The following PLEKHS1 variants were observed in gnomAD, a reference collection of about 807,000 sequenced individuals.
The protein encoded by PLEKHS1 is pleckstrin homology domain containing S1, also known as pleckstrin homology domain-containing family S member 1.
In PLEKHS1, 55 loss-of-function variants were observed where a neutral mutation model predicts 51.0. The ratio of observed to expected loss-of-function variants is 1.08; its 90% CI spans 0.87 to 1.35. The LOEUF (loss-of-function observed/expected upper bound fraction) is 1.35. PLEKHS1 is among the 40% of genes most tolerant of loss of function. The pLI is 0.00. For missense variants in PLEKHS1, 398 were observed against 423.0 expected, an observed-to-expected ratio of 0.94 and a Z score of 0.52; for synonymous variants, 153 against 144.8, an observed-to-expected ratio of 1.06 and a Z score of -0.41.
At chr10:113,772,799 GA>G (rs1844472864) in intron 8 of PLEKHS1, among the ~76,000 whole-genome samples, 1 of 152,208 alleles carries the variant, frequency 6.6e-6, no homozygotes, top group African/African-American at 2.4e-5. Flanking sequence ...TAGAGTGCGT[GA>G]AAGGCATAGT....
At chr10:113,769,478 T>C (rs1305335176) in intron 6 of PLEKHS1, among the ~76,000 whole-genome samples, 10 of 152,130 alleles carry the variant, frequency 6.6e-5, no homozygotes, top group African/African-American at 2.4e-4. Flanking sequence ...TGTCTTCAAG[T>C]AGACTGAAGT....
At chr10:113,775,653 T>G in intron 10 of PLEKHS1, 112 bp from the exon 11 acceptor site, 1 of 660,246 alleles carries the variant, frequency 1.5e-6, no homozygotes, top group Non-Finnish European at 2.6e-6. Flanking sequence ...TTGAACAACC[T>G]TTACCTGGAC....
chr10:113,762,596 T>G (rs375496774), intron 2 of PLEKHS1, among the ~76,000 whole-genome samples: 1 of 152,086 alleles, frequency 6.6e-6, no homozygotes, highest in Admixed American at 6.5e-5. Context: ...TTTTTTAAAT[T>G]TAGAGATTAT....
At chr10:113,774,079 T>G in intron 8 of PLEKHS1, 148 bp from the exon 9 acceptor site, 1 of 555,274 alleles carries the variant, frequency 1.8e-6, no homozygotes. Context: ...GGAGGTAAGG[T>G]TGGTTGATAT....
intron 8 of PLEKHS1, among the ~76,000 whole-genome samples, chr10:113,773,119 G>T (rs764673053): frequency 6.6e-6 from 1 of 152,106 alleles, no homozygotes; most frequent in Non-Finnish European, 1.5e-5. Flanking sequence ...AATAAGTTCC[G>T]GAAACACCCA....
chr10:113,775,704 A>G lies in PLEKHS1; in HGVS notation c.990-61A>G, dbSNP rs1243707778. On this transcript the variant is annotated intron_variant, in intron 10 of 11. Transcript: ENST00000361048. ...ATAGAGGCCAAAAGTCTACTCAGAAAGTACAGTTGAGAGCCAAGGTCAGTT... is the reference window on the plus strand; with the variant it reads ...ATAGAGGCCAAAAGTCTACTCAGAAGGTACAGTTGAGAGCCAAGGTCAGTT... 2.7e-6 allele frequency: 3 copies of G among 1,115,420 alleles called. No homozygotes were observed. The East Asian group carries it at 7.4e-5, about 27-fold the overall frequency. 69.1% of individuals were successfully genotyped at this position (1,115,420 alleles called of 1,614,324 possible).
chr10:113,756,455 T>C (rs1164943720), intron 2 of PLEKHS1, among the ~76,000 whole-genome samples: 2 of 152,126 alleles, frequency 1.3e-5, no homozygotes, highest in African/African-American at 4.8e-5. Context: ...AGCGAGACTC[T>C]GTCTCAAAAA....
At position 113,774,307 on chromosome 10, in the gene PLEKHS1, G is replaced by A. The variant is rs752204711; in HGVS notation, c.753G>A (p.Glu251=). Residue 251 remains glutamate, a synonymous_variant, in exon 9 of 12, where the codon GAG becomes GAA. Coordinates refer to ENST00000361048, the Ensembl canonical transcript of PLEKHS1. Reference sequence around the variant, plus strand: ...CAGACCAGGTCTCTGGAAGAATTGAGTGTCATTATGAGCCAATGGAATCCT... The same window carrying A: ...CAGACCAGGTCTCTGGAAGAATTGAATGTCATTATGAGCCAATGGAATCCT... The A allele has an allele frequency of 4.4e-6, 7 of 1,585,008 alleles. No individual in the cohort carries two copies. In the Admixed American group the frequency reaches 1.4e-4, roughly 32 times the overall value.
At position 113,775,872 on chromosome 10, in the gene PLEKHS1, T is replaced by C; in HGVS notation, c.1091+6T>C. 1 of 1,587,886 alleles carries C rather than the reference T, an allele frequency of 6.3e-7. No homozygotes were observed. ...GAAGCCACAGGACGGATATGGTAGG[T>C]TGGAGATTTGACTGTTGTGGATTAT... On this transcript the variant is annotated splice_donor_region_variant and intron_variant, in intron 11 of 11. Transcript: ENST00000361048.
exon 12 of PLEKHS1, chr10:113,780,875 C>G (rs1030967659): frequency 1.4e-5 from 16 of 1,168,976 alleles, no homozygotes; most frequent in Non-Finnish European, 1.9e-5. Context: ...ACAGTCGGCA[C>G]CCCCCTCTGA....
intron 11 of PLEKHS1, chr10:113,777,720 A>G (rs548177987): frequency 6.7e-5 from 101 of 1,496,924 alleles, no homozygotes; most frequent in Admixed American, 3.9e-4. Flanking sequence ...TTTTACTTCT[A>G]CTACAACTGA....
chr10:113,755,077 A>C (rs1271465104), intron 1 of PLEKHS1, among the ~76,000 whole-genome samples, 182 bp from the exon 2 acceptor site: 1 of 152,232 alleles, frequency 6.6e-6, no homozygotes, highest in Non-Finnish European at 1.5e-5. Flanking sequence ...CCGTTACTGC[A>C]GCTACCGTCA....
chr10:113,752,370 T>C (rs1311069077), intron 1 of PLEKHS1, among the ~76,000 whole-genome samples: 1 of 152,240 alleles, frequency 6.6e-6, no homozygotes, highest in South Asian at 2.1e-4. Flanking sequence ...AAATCTTTCA[T>C]ATACATATTG....
chr10:113,762,747 A>T (rs1029430724), intron 2 of PLEKHS1, among the ~76,000 whole-genome samples: 3 of 152,018 alleles, frequency 2.0e-5, no homozygotes, highest in Non-Finnish European at 4.4e-5. Context: ...TATATTAATA[A>T]ATGTTGCATG....
intron 11 of PLEKHS1, 91 bp from the exon 13 acceptor site, chr10:113,780,511 G>A: frequency 1.6e-6 from 2 of 1,228,108 alleles, no homozygotes; most frequent in Non-Finnish European, 1.2e-6. Flanking sequence ...TTCAATACCA[G>A]CTCCCAAGGG....
At chr10:113,765,255 A>G (rs1246129526) in intron 2 of PLEKHS1, 14 of 557,626 alleles carry the variant, frequency 2.5e-5, no homozygotes, top group Non-Finnish European at 4.7e-5. Context: ...ATGATTTTTT[A>G]GGTGGGTTTG....
chr10:113,766,614 C>G, exon 4 of PLEKHS1: 2 of 1,605,572 alleles, frequency 1.2e-6, no homozygotes, highest in South Asian at 2.3e-5. Flanking sequence ...TTTTTCAGAC[C>G]TCTTGGAAAA....
intron 2 of PLEKHS1, 25 bp downstream of exon 2, chr10:113,755,330 A>G: frequency 6.3e-7 from 1 of 1,599,608 alleles, no homozygotes; most frequent in South Asian, 1.1e-5. Context: ...TAATCGCAGA[A>G]GCAGAAATCT....
exon 2 of PLEKHS1, chr10:113,755,271 A>G (rs753904465): frequency 1.2e-6 from 2 of 1,608,130 alleles, no homozygotes; most frequent in Non-Finnish European, 1.7e-6. Flanking sequence ...GAGGACACAC[A>G]GCCATCATGG....
Sources: allele counts gnomAD v4.1 joint callset (sites outside exome capture counted in the v4.1 genomes callset), GRCh38; gene constraint gnomAD v4.1.1; transcripts MANE v1.5; gene names NCBI Gene and HGNC (gene_info 2026-07-23, HGNC 2026-07-21).